Variants in ENPP1 observed in about 807,000 individuals in gnomAD.
ENPP1 encodes the protein ectonucleotide pyrophosphatase/phosphodiesterase family member 1.
A neutral mutation model predicts 122.8 loss-of-function variants in ENPP1; 73 were observed. The ratio of observed to expected loss-of-function variants is 0.59; its 90% CI spans 0.49 to 0.72. The LOEUF (loss-of-function observed/expected upper bound fraction) is 0.72, where lower values mean the gene tolerates loss of function less well. Among genes scored for constraint, ENPP1 ranks in the 30% least tolerant of loss-of-function variants. The pLI is 0.00. For synonymous variants in ENPP1, 367 were observed against 391.6 expected (o/e 0.94, Z 0.74); for missense variants, 978 against 1,128.1 (o/e 0.87, Z 1.91).
intron 13 of ENPP1, among the ~76,000 whole-genome samples, chr6:131,871,573 T>A (rs1020768711): frequency 2.0e-5 from 3 of 152,202 alleles, no homozygotes; most frequent in Admixed American, 2.0e-4. Context: ...TCCTGGATAA[T>A]TGAGATATTT....
At chr6:131,862,287 A>T (rs1026788219) in intron 9 of ENPP1, among the ~76,000 whole-genome samples, 9 of 152,212 alleles carry the variant, frequency 5.9e-5, no homozygotes, top group Non-Finnish European at 8.8e-5. Context: ...CAGACATGAA[A>T]AATGAGGTCA....
At chr6:131,872,727 A>T (rs923584684) in intron 14 of ENPP1, among the ~76,000 whole-genome samples, 196 bp from the exon 15 acceptor site, 10 of 151,980 alleles carry the variant, frequency 6.6e-5, no homozygotes. Context: ...TTTTCATCTG[A>T]CTTATTGGGC....
At chr6:131,879,741 C>T (rs1782276878) in intron 19 of ENPP1, 139 bp from the exon 20 acceptor site, 3 of 755,346 alleles carry the variant, frequency 4.0e-6, no homozygotes, top group Non-Finnish European at 6.6e-6. Context: ...TGCTTCTACC[C>T]TTTGTAATCA....
At chr6:131,877,866 A>AAAAAAAATATATATAT (rs1562183349) in intron 18 of ENPP1, 1 of 53,020 alleles carries the variant, frequency 1.9e-5, no homozygotes, top group African/African-American at 9.3e-5. Context: ...AAAAAAAAAA[A>AAAAAAAATATATATAT]ATATATATAT....
At chr6:131,872,704 T>C (rs1782177266) in intron 14 of ENPP1, among the ~76,000 whole-genome samples, 1 of 152,168 alleles carries the variant, frequency 6.6e-6, no homozygotes, top group East Asian at 1.9e-4. Flanking sequence ...TATAAGTGGT[T>C]TATTTAGCTG....
At chr6:131,870,797 T>C (rs371024825) in intron 13 of ENPP1, among the ~76,000 whole-genome samples, 2 of 152,162 alleles carry the variant, frequency 1.3e-5, no homozygotes, top group African/African-American at 2.4e-5. Flanking sequence ...ACAGATAGAC[T>C]GGACACGATG....
At position 131,852,240 on chromosome 6, in the gene ENPP1, G is replaced by T; in HGVS notation, c.617+5G>T. 2 of 1,587,620 alleles carry T rather than the reference G, an allele frequency of 1.3e-6. No homozygotes were observed. On this transcript the variant is annotated splice_donor_5th_base_variant and intron_variant, in intron 5 of 24. Transcript: ENST00000647893. ...TGAGCCACAGTGCCCAGCAGGGTAA[G>T]ATTATATTCTGAGGTATTAATTTTT...
At chr6:131,860,567 A>G in intron 8 of ENPP1, 61 bp downstream of exon 8, 3 of 1,301,872 alleles carry the variant, frequency 2.3e-6, no homozygotes, top group Non-Finnish European at 3.3e-6. Context: ...AATCAGAGTA[A>G]AATAACCAGA....
chr6:131,821,685 C>T (rs1289866505), intron 1 of ENPP1, among the ~76,000 whole-genome samples: 1 of 152,162 alleles, frequency 6.6e-6, no homozygotes, highest in Admixed American at 6.5e-5. Flanking sequence ...TTGCTGTTAC[C>T]TGATAACATT....
chr6:131,846,528 ACT>A (rs1351729033), intron 1 of ENPP1, among the ~76,000 whole-genome samples: 1 of 151,646 alleles, frequency 6.6e-6, no homozygotes, highest in Non-Finnish European at 1.5e-5. Flanking sequence ...GCTCTAGGAA[ACT>A]CTTTCTGATC....
intron 1 of ENPP1, among the ~76,000 whole-genome samples, chr6:131,845,013 T>A (rs1401832498): frequency 6.6e-6 from 1 of 150,924 alleles, no homozygotes; most frequent in African/African-American, 2.4e-5. Flanking sequence ...TAGATAAGTT[T>A]ACAGATAAAT....
chr6:131,883,431 A>T (rs1782338067), intron 21 of ENPP1, among the ~76,000 whole-genome samples: 1 of 152,212 alleles, frequency 6.6e-6, no homozygotes, highest in Admixed American at 6.5e-5. Flanking sequence ...ATAACGTTTG[A>T]ATATGTTTAA....
rs1053242080 is a variant in ENPP1, at chr6:131,891,127, T to G, written c.*616T>G. On this transcript the variant is annotated 3_prime_UTR_variant, in exon 25 of 25. Coordinates refer to ENST00000647893, the MANE Select transcript of ENPP1 (RefSeq NM_006208.3). The stretch of plus-strand genomic sequence containing the variant: ...ATTTTTTGATTGGATTTCTTTAGAT[T>G]TAATGGTTCAAATGAGTTCAACTTT... The G allele has an allele frequency of 2.6e-5, 4 of 152,618 alleles. No homozygotes were observed. Among genetic ancestry groups the G allele is most frequent in the African/African-American group, 9.6e-5 (4 of 41,458 alleles). The allele number at this position is 152,618 out of a possible 1,614,324, so 9.5% of individuals were successfully genotyped here. A position where few individuals can be genotyped will look rare whatever the true frequency, so the allele number is the denominator to read the frequency against.
intron 1 of ENPP1, among the ~76,000 whole-genome samples, chr6:131,811,376 A>ATATCTATATCTATATCTATATATC (rs1407442478): frequency 3.8e-5 from 5 of 131,280 alleles, no homozygotes; most frequent in Non-Finnish European, 6.3e-5. Flanking sequence ...ATCTATATCT[A>ATATCTATATCTATATCTATATATC]TATATCTATA....
Position 131,886,596 on chromosome 6 carries a change from A to G in ENPP1, c.2479A>G (p.Ile827Val). ...RRVIRNQEIL[I>V]PTHFFIVLTS... ...AGTCATCCGTAACCAAGAAATTTTG[A>G]TTCCAACTCACTTCTTTATTGTGCT... is the stretch of plus-strand genomic sequence containing the variant. The change falls in exon 24 of 25, where the codon ATT becomes GTT. Residue 827 changes from isoleucine to valine, a missense_variant. Physicochemically the swap from Ile to Val is conservative, Grantham distance 29. This residue lies in a region of ENPP1 where 644 missense variants were observed against 781.5 expected (regional missense o/e 0.82). Transcript: ENST00000647893. The G allele has an allele frequency of 6.2e-7, 1 of 1,613,946 alleles. No individual in the cohort carries two copies. Among genetic ancestry groups the G allele is most frequent in the South Asian group, 1.1e-5 (1 of 91,078 alleles).
chr6:131,842,525 T>C (rs1470591720), intron 1 of ENPP1, among the ~76,000 whole-genome samples: 2 of 152,238 alleles, frequency 1.3e-5, no homozygotes, highest in Non-Finnish European at 2.9e-5. Context: ...CTAAATACAT[T>C]GCATCTTGCA....
intron 23 of ENPP1, among the ~76,000 whole-genome samples, chr6:131,885,910 A>G (rs1400353860): frequency 6.6e-6 from 1 of 152,176 alleles, no homozygotes; most frequent in Non-Finnish European, 1.5e-5. Context: ...CTCTGTTTAA[A>G]TCTGTTTTAT....
chr6:131,853,336 G>C (rs1270625124), intron 5 of ENPP1, among the ~76,000 whole-genome samples: 2 of 152,118 alleles, frequency 1.3e-5, no homozygotes, highest in African/African-American at 4.8e-5. Flanking sequence ...GTTAGACTTA[G>C]TGAATTTCAA....
At chr6:131,879,767 A>G (rs1297676653) in intron 19 of ENPP1, 113 bp from the exon 20 acceptor site, 7 of 982,570 alleles carry the variant, frequency 7.1e-6, no homozygotes, top group Non-Finnish European at 1.1e-5. Context: ...TTTAATAGTT[A>G]AAAGTAAATC....
Sources: allele counts gnomAD v4.1 joint callset (sites outside exome capture counted in the v4.1 genomes callset), GRCh38; gene constraint gnomAD v4.1.1; regional missense constraint gnomAD v4.1.1; transcripts MANE v1.5; gene names NCBI Gene and HGNC (gene_info 2026-07-23, HGNC 2026-07-21).